The following NCOA2 variants were observed in gnomAD, a reference collection of about 807,000 sequenced individuals.
NCOA2 encodes class E basic helix-loop-helix protein 75.
In NCOA2, 21 loss-of-function variants were observed where a neutral mutation model predicts 145.1. The ratio of observed to expected loss-of-function variants is 0.14; its 90% CI spans 0.10 to 0.21. NCOA2 has a LOEUF of 0.21. NCOA2 is among the 10% of genes least tolerant of loss of function. NCOA2 has a pLI of 1.00. For missense variants in NCOA2, 1,472 were observed against 1,837.6 expected (o/e 0.80, Z 3.64); for synonymous variants, 619 against 637.5 (o/e 0.97, Z 0.44).
rs1309685610 is a variant in NCOA2 at position 70,233,751 on chromosome 8, C to A, written c.-19-16987G>T. On this transcript the variant is annotated intron_variant, in intron 2 of 22. Coordinates refer to ENST00000452400, the MANE Select transcript of NCOA2 (RefSeq NM_006540.4). Reference sequence around the variant, plus strand: ...TAGGTCCTCCTCTTACATAATTATTCTTTTTCAATCTCTTTTATGGGATCT... The same window carrying A: ...TAGGTCCTCCTCTTACATAATTATTATTTTTCAATCTCTTTTATGGGATCT... Among the ~76,000 whole-genome samples, 3 of 152,140 alleles carry A rather than the reference C, an allele frequency of 2.0e-5. No homozygotes were observed. The East Asian group carries it at 5.8e-4, about 29-fold the overall frequency.
At chr8:70,381,904 A>G (rs1586647349) in intron 1 of NCOA2, among the ~76,000 whole-genome samples, 2 of 152,324 alleles carry the variant, frequency 1.3e-5, no homozygotes, top group East Asian at 3.9e-4. Flanking sequence ...TATAAAATGC[A>G]CAAAATCCTG....
At chr8:70,451,305 G>C in the NCOA2 span, among the ~76,000 whole-genome samples, 1 of 144,966 alleles carries the variant, frequency 6.9e-6, no homozygotes, top group African/African-American at 2.6e-5. Flanking sequence ...CTAGTCGGGA[G>C]GCTAAGGCAG....
At chr8:70,160,659 C>CAGAGACAG (rs1554578913) in intron 9 of NCOA2, among the ~76,000 whole-genome samples, 2 of 132,180 alleles carry the variant, frequency 1.5e-5, no homozygotes, top group Admixed American at 7.7e-5. Context: ...AAGTGAGAGA[C>CAGAGACAG]AGAGAGAGAG....
intron 1 of NCOA2, among the ~76,000 whole-genome samples, chr8:70,316,068 T>C (rs1367564212): frequency 6.6e-6 from 1 of 152,236 alleles, no homozygotes; most frequent in Non-Finnish European, 1.5e-5. Flanking sequence ...CTGCAGTACA[T>C]GCTTTCTAGG....
At chr8:70,337,396 C>T (rs1742867028) in intron 1 of NCOA2, among the ~76,000 whole-genome samples, 1 of 152,130 alleles carries the variant, frequency 6.6e-6, no homozygotes, top group African/African-American at 2.4e-5. Context: ...CAAGAGAGAC[C>T]TTTCTGAATA....
At chr8:70,275,234 A>C (rs1010546242) in intron 2 of NCOA2, among the ~76,000 whole-genome samples, 10 of 152,156 alleles carry the variant, frequency 6.6e-5, no homozygotes, top group African/African-American at 2.4e-4. Flanking sequence ...CTGTATTCTT[A>C]ATTAACCACA....
intron 2 of NCOA2, among the ~76,000 whole-genome samples, chr8:70,293,036 G>C (rs1289062408): frequency 6.6e-6 from 1 of 152,090 alleles, no homozygotes; most frequent in East Asian, 1.9e-4. Context: ...AGGGCATTTT[G>C]TCAACTTAAA....
At chr8:70,374,662 G>A (rs73288558) in intron 1 of NCOA2, among the ~76,000 whole-genome samples, 5,099 of 151,206 alleles carry the variant, frequency 0.034, 312 homozygotes, top group African/African-American at 0.12. Flanking sequence ...AATTAGCTGG[G>A]GCAATGGTGT....
intron 1 of NCOA2, among the ~76,000 whole-genome samples, chr8:70,297,753 T>C (rs1214617552): frequency 6.6e-6 from 1 of 152,260 alleles, no homozygotes; most frequent in East Asian, 1.9e-4. Flanking sequence ...CTGTTTGCAA[T>C]GTTTCTTCAG....
intron 4 of NCOA2, among the ~76,000 whole-genome samples, chr8:70,182,633 T>C (rs888548126): frequency 3.3e-5 from 5 of 152,228 alleles, no homozygotes; most frequent in African/African-American, 1.2e-4. Flanking sequence ...CTATTGCCCA[T>C]ACATATTACT....
At chr8:70,201,713 GA>G (rs1817907083) in intron 4 of NCOA2, among the ~76,000 whole-genome samples, 1 of 152,242 alleles carries the variant, frequency 6.6e-6, no homozygotes, top group Non-Finnish European at 1.5e-5. Context: ...ACTACAGATA[GA>G]AGGACAGCCA....
the NCOA2 span, among the ~76,000 whole-genome samples, chr8:70,422,983 G>A: frequency 6.6e-6 from 1 of 152,042 alleles, no homozygotes; most frequent in Non-Finnish European, 1.5e-5. Flanking sequence ...GGCCGCCACT[G>A]TGCCCCACTC....
At chr8:70,372,871 C>A (rs1372242322) in intron 1 of NCOA2, among the ~76,000 whole-genome samples, 2 of 152,144 alleles carry the variant, frequency 1.3e-5, no homozygotes, top group African/African-American at 2.4e-5. Flanking sequence ...AGGAAATATA[C>A]AATATATGTC....
chr8:70,269,316 A>G (rs1241117604), intron 2 of NCOA2, among the ~76,000 whole-genome samples: 2 of 152,108 alleles, frequency 1.3e-5, no homozygotes, highest in Non-Finnish European at 2.9e-5. Flanking sequence ...GCCATAAAAG[A>G]ATAGTGATGG....
intron 6 of NCOA2, among the ~76,000 whole-genome samples, chr8:70,168,814 G>A (rs1165253554): frequency 6.6e-6 from 1 of 152,176 alleles, no homozygotes; most frequent in Non-Finnish European, 1.5e-5. Context: ...TTTTAAGGAA[G>A]TCATAAAACT....
intron 9 of NCOA2, among the ~76,000 whole-genome samples, chr8:70,162,347 T>TCAA (rs1813122370): frequency 6.6e-6 from 1 of 152,208 alleles, no homozygotes; most frequent in Non-Finnish European, 1.5e-5. Flanking sequence ...CACCAGGGGT[T>TCAA]CACTCACTCT....
the NCOA2 span, among the ~76,000 whole-genome samples, chr8:70,413,453 T>C: frequency 6.6e-6 from 1 of 152,202 alleles, no homozygotes; most frequent in African/African-American, 2.4e-5. Flanking sequence ...CAGACTCCTT[T>C]GGTTAAAATG....
intron 2 of NCOA2, among the ~76,000 whole-genome samples, chr8:70,235,805 C>A (rs1356267406): frequency 6.6e-6 from 1 of 152,174 alleles, no homozygotes; most frequent in Admixed American, 6.5e-5. Context: ...GATCGCACCA[C>A]TATGCTCCAG....
intron 1 of NCOA2, among the ~76,000 whole-genome samples, chr8:70,342,082 C>T (rs1808190562): frequency 3.3e-5 from 5 of 152,102 alleles, no homozygotes; most frequent in South Asian, 2.1e-4. Flanking sequence ...CTACAGAACT[C>T]GATAATATAC....
Sources: gnomAD v4.1 joint callset for allele counts (sites outside exome capture counted in the v4.1 genomes callset) on GRCh38, gnomAD v4.1.1 for gene constraint, MANE v1.5 for transcripts, NCBI Gene and HGNC (gene_info 2026-07-23, HGNC 2026-07-21) for gene names.